The following MKLN1 variants were observed in gnomAD, a reference collection of about 807,000 sequenced individuals.
MKLN1 encodes the protein muskelin.
Under a neutral mutation model 99.0 loss-of-function variants are expected in MKLN1, and 18 were observed. That is an observed-to-expected ratio of 0.18 (90% CI 0.13 to 0.27). The LOEUF (loss-of-function observed/expected upper bound fraction) is 0.27, where lower values mean the gene tolerates loss of function less well. MKLN1 is among the 10% of genes least tolerant of loss of function. The pLI, the probability that MKLN1 is intolerant of heterozygous loss-of-function variation, is 1.00. For synonymous variants in MKLN1, 288 were observed against 293.2 expected (o/e 0.98, Z 0.18); for missense variants, 621 against 875.9 (o/e 0.71, Z 3.67).
At chr7:131,447,425 C>T (rs1027720739) in intron 12 of MKLN1, among the ~76,000 whole-genome samples, 6 of 152,098 alleles carry the variant, frequency 3.9e-5, no homozygotes, top group Non-Finnish European at 7.4e-5. Context: ...GAGGGTCAGG[C>T]GCAGTGGCTC....
At chr7:131,167,634 T>C (rs993034178) in intron 2 of MKLN1, among the ~76,000 whole-genome samples, 7 of 145,560 alleles carry the variant, frequency 4.8e-5, no homozygotes, top group Admixed American at 3.6e-4. Flanking sequence ...ATGGGACCAC[T>C]GCACTCCAGC....
chr7:131,399,154 G>A, intron 5 of MKLN1, 87 bp from the exon 6 acceptor site: 1 of 1,116,462 alleles, frequency 9.0e-7, no homozygotes, highest in Non-Finnish European at 1.3e-6. Flanking sequence ...GCTCAGTGTA[G>A]ATTAGTTATT....
chr7:131,440,645 T>A (rs1795811394), intron 10 of MKLN1, among the ~76,000 whole-genome samples: 1 of 152,038 alleles, frequency 6.6e-6, no homozygotes, highest in Admixed American at 6.6e-5. Flanking sequence ...AATGATCATA[T>A]AGCATAGGAA....
intron 2 of MKLN1, among the ~76,000 whole-genome samples, chr7:131,376,114 A>ATATGTATG (rs1444364958): frequency 4.8e-3 from 1 of 208 alleles, no homozygotes; most frequent in African/African-American, 0.028. Context: ...ATATATATAT[A>ATATGTATG]TATATATATA....
intron 16 of MKLN1, among the ~76,000 whole-genome samples, chr7:131,474,602 C>T (rs1796915659): frequency 6.6e-6 from 1 of 152,050 alleles, no homozygotes; most frequent in South Asian, 2.1e-4. Flanking sequence ...TTATTTTTCA[C>T]CTTAGGAGTT....
chr7:131,411,428 C>A, intron 7 of MKLN1, 45 bp downstream of exon 7: 1 of 1,269,116 alleles, frequency 7.9e-7, no homozygotes, highest in Non-Finnish European at 1.2e-6. Context: ...ATTAATGTCT[C>A]AGTCTTCAGT....
intron 12 of MKLN1, among the ~76,000 whole-genome samples, chr7:131,460,398 A>G (rs1796480573): frequency 6.6e-6 from 1 of 152,064 alleles, no homozygotes. Flanking sequence ...TTTCTCTCAT[A>G]AATGAGACAC....
rs145252785 is a variant in MKLN1, at chr7:131,290,950, T to C, written c.-178-84474T>C. On this transcript the variant is annotated intron_variant, in intron 3 of 7. Transcript: ENST00000416992. ...TAACACTGACTCTAGGTCAGATAAG[T>C]TGCTAGGCTTAAATCTGTGAGGCAA... is the stretch of plus-strand genomic sequence containing the variant. Among the ~76,000 whole-genome samples, 53 of 152,244 alleles carry C rather than the reference T, an allele frequency of 3.5e-4. 1 individual carries two copies. In the East Asian group the frequency reaches 9.1e-3, roughly 26 times the overall value.
intron 1 of MKLN1, among the ~76,000 whole-genome samples, chr7:131,355,412 A>T (rs185927758): frequency 6.6e-6 from 1 of 151,780 alleles, no homozygotes; most frequent in Non-Finnish European, 1.5e-5. Flanking sequence ...GGAACATGGC[A>T]TGTCTTTGCA....
chr7:131,135,245 C>T (rs1032883704), intron 1 of MKLN1, among the ~76,000 whole-genome samples: 9 of 152,214 alleles, frequency 5.9e-5, no homozygotes, highest in African/African-American at 1.9e-4. Flanking sequence ...GCCTCAGCCT[C>T]CCGAGTAGCT....
chr7:131,357,710 C>T (rs1457561164), intron 1 of MKLN1, among the ~76,000 whole-genome samples: 1 of 152,074 alleles, frequency 6.6e-6, no homozygotes, highest in African/African-American at 2.4e-5. Context: ...ACATAACTTC[C>T]ATCATTTTTG....
intron 1 of MKLN1, among the ~76,000 whole-genome samples, chr7:131,116,344 C>T (rs1328869445): frequency 6.6e-6 from 1 of 151,976 alleles, no homozygotes; most frequent in Non-Finnish European, 1.5e-5. Flanking sequence ...GGAAGAGTTA[C>T]CAGCTGTGTG....
At chr7:131,411,256 T>C in intron 6 of MKLN1, 50 bp from the exon 7 acceptor site, 1 of 1,114,932 alleles carries the variant, frequency 9.0e-7, no homozygotes, top group Non-Finnish European at 1.3e-6. Context: ...CTATAATAAA[T>C]AATGTAAGTA....
intron 1 of MKLN1, 139 bp downstream of exon 1, chr7:131,328,136 G>A (rs1798946789): frequency 3.8e-6 from 4 of 1,065,722 alleles, no homozygotes; most frequent in South Asian, 3.0e-5. Flanking sequence ...CGGAGTCTTA[G>A]TTCAGCTGCT....
chr7:131,429,656 G>T (rs1795464898), intron 9 of MKLN1, among the ~76,000 whole-genome samples: 1 of 152,064 alleles, frequency 6.6e-6, no homozygotes, highest in Non-Finnish European at 1.5e-5. Flanking sequence ...TCGACTCACT[G>T]CAAGCTCCGC....
At chr7:131,329,484 T>C (rs1476017548) in intron 1 of MKLN1, among the ~76,000 whole-genome samples, 5 of 152,234 alleles carry the variant, frequency 3.3e-5, no homozygotes, top group Non-Finnish European at 7.3e-5. Flanking sequence ...TTCTGGGCTA[T>C]CTTGTTCTTG....
intron 1 of MKLN1, among the ~76,000 whole-genome samples, chr7:131,127,451 C>A (rs778092030): frequency 2.0e-4 from 30 of 152,122 alleles, no homozygotes; most frequent in Non-Finnish European, 3.7e-4. Flanking sequence ...AAAAACTGAT[C>A]AAAACCTCTG....
intron 3 of MKLN1, among the ~76,000 whole-genome samples, chr7:131,284,785 G>A (rs559486560): frequency 1.3e-5 from 2 of 152,306 alleles, no homozygotes; most frequent in Non-Finnish European, 2.9e-5. Context: ...GCTGGGTGGT[G>A]TCACTGTGTG....
chr7:131,452,544 CTT>C (rs1159344518), intron 12 of MKLN1, among the ~76,000 whole-genome samples: 125 of 70,346 alleles, frequency 1.8e-3, no homozygotes, highest in African/African-American at 6.6e-3. Flanking sequence ...TCCTTTTATA[CTT>C]TTTTTTTTTT....
Sources: allele counts gnomAD v4.1 joint callset (sites outside exome capture counted in the v4.1 genomes callset), GRCh38; gene constraint gnomAD v4.1.1; transcripts MANE v1.5; gene names NCBI Gene and HGNC (gene_info 2026-07-23, HGNC 2026-07-21).